SRBD1: variants seen among roughly 807,000 people sequenced by gnomAD.
SRBD1 encodes the protein S1 RNA-binding domain-containing protein 1.
In SRBD1, 88 loss-of-function variants were observed where a neutral mutation model predicts 115.3. The ratio of observed to expected loss-of-function variants is 0.76; its 90% CI spans 0.64 to 0.91. The LOEUF (loss-of-function observed/expected upper bound fraction) is 0.91. Ranked by LOEUF, SRBD1 falls within the 40% of genes least tolerant of loss-of-function variation. The pLI, the probability that SRBD1 is intolerant of heterozygous loss-of-function variation, is 0.00. For missense variants in SRBD1, 1,385 were observed against 1,177.4 expected, an observed-to-expected ratio of 1.18 and a Z score of -2.58; for synonymous variants, 509 against 407.7, an observed-to-expected ratio of 1.25 and a Z score of -2.99.
chr2:45,537,302 A>G (rs1410853292), intron 14 of SRBD1, among the ~76,000 whole-genome samples: 1 of 152,326 alleles, frequency 6.6e-6, no homozygotes, highest in African/African-American at 2.4e-5. Context: ...ACTTCTTGTC[A>G]CTATCGCCTT....
At chr2:45,523,721 G>A (rs1202015713) in intron 14 of SRBD1, among the ~76,000 whole-genome samples, 1 of 151,280 alleles carries the variant, frequency 6.6e-6, no homozygotes, top group Non-Finnish European at 1.5e-5. Context: ...CACAATCCAG[G>A]TGGTTTTAAA....
At chr2:45,522,615 T>G (rs1247744234) in intron 14 of SRBD1, among the ~76,000 whole-genome samples, 2 of 152,120 alleles carry the variant, frequency 1.3e-5, no homozygotes, top group African/African-American at 4.8e-5. Flanking sequence ...CATACTAAAA[T>G]TTTCCTCCAT....
chr2:45,442,677 C>G (rs2103713997), intron 16 of SRBD1, among the ~76,000 whole-genome samples: 1 of 152,298 alleles, frequency 6.6e-6, no homozygotes, highest in Non-Finnish European at 1.5e-5. Flanking sequence ...TATTCATTCT[C>G]AACCCATCAA....
chr2:45,591,463 G>C (rs906514274), intron 4 of SRBD1, among the ~76,000 whole-genome samples: 3 of 152,166 alleles, frequency 2.0e-5, no homozygotes, highest in African/African-American at 7.2e-5. Context: ...AGCTGGGTCT[G>C]TGTGAATTAC....
intron 14 of SRBD1, among the ~76,000 whole-genome samples, chr2:45,541,992 C>A (rs922680901): frequency 1.3e-5 from 2 of 152,236 alleles, no homozygotes; most frequent in Non-Finnish European, 2.9e-5. Context: ...TAGGCCCTGG[C>A]TTGGAGGTGG....
At chr2:45,434,466 T>G (rs185637728) in intron 16 of SRBD1, among the ~76,000 whole-genome samples, 1 of 152,206 alleles carries the variant, frequency 6.6e-6, no homozygotes. Flanking sequence ...ACCTTAACAT[T>G]TGGCAAACAA....
chr2:45,506,592 A>G (rs1421920271), intron 14 of SRBD1, among the ~76,000 whole-genome samples: 3 of 152,132 alleles, frequency 2.0e-5, no homozygotes, highest in African/African-American at 7.2e-5. Context: ...AGGGGAGCCT[A>G]TATTATCTTG....
intron 19 of SRBD1, among the ~76,000 whole-genome samples, chr2:45,396,984 A>C (rs1196920707): frequency 6.6e-6 from 1 of 152,150 alleles, no homozygotes; most frequent in Admixed American, 6.5e-5. Context: ...GGCAAAGTAC[A>C]TCTAATAGTC....
intron 14 of SRBD1, among the ~76,000 whole-genome samples, chr2:45,515,954 T>C (rs976857322): frequency 3.9e-5 from 6 of 152,272 alleles, no homozygotes; most frequent in Admixed American, 3.9e-4. Flanking sequence ...CTAAAGGGAA[T>C]CCCTAGATAT....
chr2:45,430,596 G>A (rs1432865308), intron 16 of SRBD1, among the ~76,000 whole-genome samples: 3 of 152,250 alleles, frequency 2.0e-5, no homozygotes, highest in Admixed American at 6.5e-5. Context: ...GCCATATGCA[G>A]AAAACTGAAA....
intron 4 of SRBD1, among the ~76,000 whole-genome samples, chr2:45,592,679 A>G (rs1028444804): frequency 6.6e-6 from 1 of 152,138 alleles, no homozygotes; most frequent in African/African-American, 2.4e-5. Context: ...TTCCACTGGT[A>G]ACAAAGCCAT....
Position 45,599,781 on chromosome 2 carries a change from C to A in SRBD1, c.316G>T (p.Asp106Tyr). Residue 106 changes from aspartate to tyrosine, a missense_variant, in exon 4 of 21, where the codon GAT (aspartate) becomes TAT (tyrosine). By Grantham distance (160) the Asp-to-Tyr change is radical. Coordinates refer to ENST00000263736, the MANE Select transcript of SRBD1 (RefSeq NM_018079.5). ...TALEDRKNKL[D>Y]TVQTLKTAKT... ...GCTGTTTTCAGAGTCTGTACAGTAT[C>A]CAATTTATTTTTTCTGTCTTCTAAA... 2 of 1,613,954 alleles carry A rather than the reference C, an allele frequency of 1.2e-6. No individual in the cohort carries two copies. The highest frequency in any genetic ancestry group is 1.3e-5 in the African/African-American group (1 of 74,976).
At chr2:45,474,084 C>T (rs926839982) in intron 16 of SRBD1, among the ~76,000 whole-genome samples, 10 of 152,202 alleles carry the variant, frequency 6.6e-5, no homozygotes, top group African/African-American at 2.4e-4. Context: ...CTGATAATTA[C>T]ATTCTTAAAT....
chr2:45,461,892 T>A (rs529331772), intron 16 of SRBD1, among the ~76,000 whole-genome samples: 6 of 152,342 alleles, frequency 3.9e-5, no homozygotes, highest in South Asian at 2.1e-4. Context: ...GCTAAAAAGA[T>A]GCTACTCAGT....
At chr2:45,399,655 T>C (rs1667240708) in intron 19 of SRBD1, among the ~76,000 whole-genome samples, 2 of 152,080 alleles carry the variant, frequency 1.3e-5, no homozygotes, top group Non-Finnish European at 2.9e-5. Context: ...CAGATTTAGA[T>C]CTCTGATAAA....
chr2:45,610,084 A>T (rs1017948784), intron 1 of SRBD1, among the ~76,000 whole-genome samples: 3 of 152,224 alleles, frequency 2.0e-5, no homozygotes, highest in Non-Finnish European at 4.4e-5. Flanking sequence ...GAATATTCCT[A>T]TTCTTCAGTG....
At chr2:45,572,020 T>A (rs1673034586) in intron 9 of SRBD1, among the ~76,000 whole-genome samples, 1 of 152,060 alleles carries the variant, frequency 6.6e-6, no homozygotes, top group Non-Finnish European at 1.5e-5. Flanking sequence ...AATCTACACG[T>A]CTAAGAATCA....
intron 10 of SRBD1, 133 bp downstream of exon 10, chr2:45,562,520 C>T (rs1672699982): frequency 4.9e-6 from 3 of 618,426 alleles, no homozygotes; most frequent in Non-Finnish European, 7.6e-6. Flanking sequence ...GCGTGAGCCA[C>T]CGCGCCCGGC....
intron 16 of SRBD1, among the ~76,000 whole-genome samples, chr2:45,469,692 GAATA>G (rs1572675320): frequency 6.6e-6 from 1 of 152,144 alleles, no homozygotes; most frequent in East Asian, 1.9e-4. Flanking sequence ...GAAATTTAAG[GAATA>G]AATAGCAAAT....
Sources: allele counts gnomAD v4.1 joint callset (sites outside exome capture counted in the v4.1 genomes callset), GRCh38; gene constraint gnomAD v4.1.1; transcripts MANE v1.5; gene names NCBI Gene and HGNC (gene_info 2026-07-23, HGNC 2026-07-21).